Variants in PRPF8 observed in about 807,000 individuals in gnomAD.
PRPF8 encodes pre-mRNA processing factor 8.
A neutral mutation model predicts 285.9 loss-of-function variants in PRPF8; 64 were observed. The observed-to-expected ratio is 0.22, with a 90% CI of 0.18 to 0.28. The LOEUF (loss-of-function observed/expected upper bound fraction) is 0.28. PRPF8 is among the 10% of genes least tolerant of loss of function. The pLI is 1.00. For synonymous variants in PRPF8, 1,325 were observed against 1,118.2 expected (o/e 1.18, Z -3.69); for missense variants, 1,426 against 3,026.7 (o/e 0.47, Z 12.41).
At position 1,675,528 on chromosome 17, in the gene PRPF8, G is replaced by A. The variant is rs1024387647; in HGVS notation, c.2872+92C>T. ...TTCCCTTTACTACCACGCATCAAGA[G>A]AGTAAACCAATCATGCTACCCAGAT... On this transcript the variant is annotated intron_variant, in intron 19 of 42. Coordinates refer to ENST00000304992, the MANE Select transcript of PRPF8 (RefSeq NM_006445.4). The surrounding 1 kb of genome is among the most constrained non-coding windows in gnomAD (Gnocchi z 6.0). The A allele has an allele frequency of 3.2e-6, 5 of 1,546,280 alleles. No individual in the cohort carries two copies. The highest frequency in any genetic ancestry group is 1.7e-5 in the Admixed American group (1 of 59,898).
chr17:1,671,719 C>T (rs1044337469), intron 24 of PRPF8, among the ~76,000 whole-genome samples: 4 of 151,912 alleles, frequency 2.6e-5, no homozygotes, highest in Admixed American at 6.6e-5. Flanking sequence ...GGCGTGGTGG[C>T]AGGCGCCTGT....
At position 1,673,857 on chromosome 17, in the gene PRPF8, C is replaced by T. The variant is rs780480249; in HGVS notation, c.3335G>A (p.Arg1112His). The T allele has an allele frequency of 3.7e-6, 6 of 1,613,846 alleles. No individual in the cohort carries two copies. The highest frequency in any genetic ancestry group is 5.1e-6 in the Non-Finnish European group (6 of 1,180,020). Residue 1112 changes from arginine to histidine, a missense_variant, in exon 22 of 43, where the codon CGT becomes CAT. Physicochemically the swap from Arg to His is conservative, Grantham distance 29. Transcript: ENST00000304992. The surrounding 1 kb of genome is among the most constrained non-coding windows in gnomAD (Gnocchi z 5.5). ...GGGGTCAGGGTGCTCTGTCAGGTAA[C>T]GTTGAATCAGGTCCCGAGCCTCATC... ...TADEARDLIQ[R>H]YLTEHPDPNN... is the part of the protein sequence containing the mutation.
intron 24 of PRPF8, among the ~76,000 whole-genome samples, chr17:1,666,778 C>G (rs1259680445): frequency 1.3e-5 from 2 of 151,904 alleles, no homozygotes; most frequent in Admixed American, 1.3e-4. Flanking sequence ...TTCAGACAAG[C>G]AAGGAGAAAA....
Position 1,680,557 on chromosome 17 carries a change from T to C in PRPF8, c.1098+169A>G, listed in dbSNP as rs1912857970. The C allele has an allele frequency of 4.2e-6, 3 of 709,812 alleles. No homozygotes were observed. In the African/African-American group the frequency reaches 5.3e-5, roughly 12 times the overall value. 44.0% of individuals were successfully genotyped at this position (709,812 alleles called of 1,614,324 possible). ...ATCACAGAAAACAGGATTATACCAATGACATGTTTTAAAGCAAATGCTGAA... is the reference window on the plus strand; with the variant it reads ...ATCACAGAAAACAGGATTATACCAACGACATGTTTTAAAGCAAATGCTGAA... On this transcript the variant is annotated intron_variant, in intron 8 of 42. Transcript: ENST00000304992.
At chr17:1,682,362 A>G (rs953118923) in intron 3 of PRPF8, 69 bp from the exon 4 acceptor site, 19 of 1,554,550 alleles carry the variant, frequency 1.2e-5, no homozygotes, top group Non-Finnish European at 1.7e-5. Context: ...CCATGCAGAG[A>G]AGCCACATGT....
Position 1,679,041 on chromosome 17 carries a change from C to T in PRPF8, c.1575G>A (p.Lys525=), listed in dbSNP as rs1201044198. Residue 525 remains lysine (K), a synonymous_variant, in exon 11 of 43, where the codon AAG becomes AAA. Coordinates refer to ENST00000304992, the MANE Select transcript of PRPF8 (RefSeq NM_006445.4). The surrounding 1 kb of genome is among the most constrained non-coding windows in gnomAD (Gnocchi z 4.7). Reference sequence around the variant, plus strand: ...CCTTGGTGGTGAGCGTTTTCACAGGCTTGAGGTTGAAGTTGTAGTCCAGGT... The same window carrying T: ...CCTTGGTGGTGAGCGTTTTCACAGGTTTGAGGTTGAAGTTGTAGTCCAGGT... ...YLHLDYNFNL[K]PVKTLTTKER... is the part of the protein sequence containing the mutation. 6.2e-7 allele frequency: 1 copy of T among 1,614,174 alleles called. No homozygotes were observed.
Position 1,659,170 on chromosome 17 carries a change from C to A in PRPF8, c.5138+187G>T. 1.4e-6 allele frequency: 1 copy of A among 708,410 alleles called. No homozygotes were observed. Among genetic ancestry groups the A allele is most frequent in the East Asian group, 2.7e-5 (1 of 37,006 alleles). The allele number at this position is 708,410 out of a possible 1,614,324, so 43.9% of individuals were successfully genotyped here. On this transcript the variant is annotated intron_variant, in intron 32 of 42. Transcript: ENST00000304992. This position sits in a 1 kb window ranked among gnomAD's most constrained non-coding sequence, Gnocchi z 5.1. ...CCTTCTGAGTAGCTGGGACTACAGG[C>A]GTGGACCACCACGCCCAGCTAATTT...
intron 24 of PRPF8, among the ~76,000 whole-genome samples, chr17:1,666,564 A>G (rs949516151): frequency 6.6e-6 from 1 of 152,060 alleles, no homozygotes; most frequent in African/African-American, 2.4e-5. Context: ...AAAAAAATCA[A>G]TGCAACAAAA....
At position 1,675,874 on chromosome 17, in the gene PRPF8, G is replaced by C; in HGVS notation, c.2679+54C>G. Reference sequence around the variant, plus strand: ...AACTGCTACCTTTGGTAGAACCAAAGGCAACTGCTACCTTTGGTAGAACCA... The same window carrying C: ...AACTGCTACCTTTGGTAGAACCAAACGCAACTGCTACCTTTGGTAGAACCA... On this transcript the variant is annotated intron_variant, in intron 18 of 42. Transcript: ENST00000304992. This position sits in a 1 kb window ranked among gnomAD's most constrained non-coding sequence, Gnocchi z 6.0. The C allele has an allele frequency of 6.2e-7, 1 of 1,606,010 alleles. No homozygotes were observed. The highest frequency in any genetic ancestry group is 8.5e-7 in the Non-Finnish European group (1 of 1,178,650).
chr17:1,681,347 C>T, intron 6 of PRPF8, 131 bp downstream of exon 6: 1 of 1,133,196 alleles, frequency 8.8e-7, no homozygotes, highest in South Asian at 1.3e-5. Flanking sequence ...TCCCAAAGTG[C>T]TGAGATTACA....
chr17:1,651,439 C>T lies in PRPF8; in HGVS notation c.6625G>A (p.Glu2209Lys), dbSNP rs1285026675. The change falls in exon 41 of 43, where the codon GAG becomes AAG. Residue 2209 changes from glutamate to lysine, a missense_variant. Physicochemically the swap from Glu to Lys is moderately conservative, Grantham distance 56. Transcript: ENST00000304992. This position sits in a 1 kb window ranked among gnomAD's most constrained non-coding sequence, Gnocchi z 5.1. The part of the protein sequence containing the change: ...IMADNPSWDG[E>K]KTIIITCSFT... Reference sequence around the variant, plus strand: ...CTGCATGTGATGATAATGGTCTTCTCGCCATCCCAAGATGGGTTGTCAGCC... The same window carrying T: ...CTGCATGTGATGATAATGGTCTTCTTGCCATCCCAAGATGGGTTGTCAGCC... 6.2e-7 allele frequency: 1 copy of T among 1,614,184 alleles called. No homozygotes were observed. Among genetic ancestry groups the T allele is most frequent in the Admixed American group, 1.7e-5 (1 of 60,024 alleles).
At position 1,661,886 on chromosome 17, in the gene PRPF8, T is replaced by C. The variant is rs1459178937; in HGVS notation, c.4022+20A>G. 1 of 1,614,092 alleles carries C rather than the reference T, an allele frequency of 6.2e-7. No homozygotes were observed. Among genetic ancestry groups the C allele is most frequent in the South Asian group, 1.1e-5 (1 of 91,076 alleles). The stretch of plus-strand genomic sequence containing the variant: ...GGGCCTGAGCAATAGGGTTTAGAAA[T>C]ACGTTGAACCAGGCTGTACCTGAGG... On this transcript the variant is annotated intron_variant, in intron 25 of 42. Coordinates refer to ENST00000304992, the MANE Select transcript of PRPF8 (RefSeq NM_006445.4). This position sits in a 1 kb window ranked among gnomAD's most constrained non-coding sequence, Gnocchi z 7.3.
Position 1,680,950 on chromosome 17 carries a change from G to A in PRPF8, c.971C>T (p.Pro324Leu), listed in dbSNP as rs1262471258. The A allele has an allele frequency of 6.2e-7, 1 of 1,614,130 alleles. No homozygotes were observed. Among genetic ancestry groups the A allele is most frequent in the Admixed American group, 1.7e-5 (1 of 60,008 alleles). ...IAFPYLYNNL[P>L]HHVHLTWYHT... Reference sequence around the variant, plus strand: ...TTACCAGGTGAGGTGGACATGGTGTGGAAGATTGTTGTACAAGTAAGGAAA... The same window carrying A: ...TTACCAGGTGAGGTGGACATGGTGTAGAAGATTGTTGTACAAGTAAGGAAA... The change falls in exon 7 of 43, where the codon CCA becomes CTA. Residue 324 changes from proline (P) to leucine (L), a missense_variant. By Grantham distance (98) the Pro-to-Leu change is moderately conservative. This residue lies in a region of PRPF8 where 157 missense variants were observed against 159.6 expected (regional missense o/e 0.98). Transcript: ENST00000304992.
chr17:1,682,166 G>C lies in PRPF8; in HGVS notation c.397C>G (p.Pro133Ala). The C allele has an allele frequency of 6.2e-7, 1 of 1,614,016 alleles. No individual in the cohort carries two copies. The highest frequency in any genetic ancestry group is 8.5e-7 in the Non-Finnish European group (1 of 1,180,002). The change falls in exon 4 of 43, where the codon CCC becomes GCC. Residue 133 changes from proline (P) to alanine (A), a missense_variant. By Grantham distance (27) the Pro-to-Ala change is conservative. Around this residue, in one of 34 missense-constraint regions of PRPF8, gnomAD observed 96 missense variants for 188.3 expected, o/e 0.51. Coordinates refer to ENST00000304992, the MANE Select transcript of PRPF8 (RefSeq NM_006445.4). ...TGAISFVNEI[P>A]WVIEPVYISQ... ...ATGTAGACAGGTTCAATGACCCAGG[G>C]AATCTCATTGACGAAGGAAATGGCT...
chr17:1,672,827 C>G (rs1426427848), intron 24 of PRPF8: 1 of 582,850 alleles, frequency 1.7e-6, no homozygotes. Context: ...ATAAATCCAA[C>G]TTTTACTCTT....
intron 24 of PRPF8, among the ~76,000 whole-genome samples, 158 bp from the exon 25 acceptor site, chr17:1,662,311 G>C (rs1403580214): frequency 6.6e-6 from 1 of 152,166 alleles, no homozygotes; most frequent in East Asian, 1.9e-4. Flanking sequence ...CAATGAGGCT[G>C]GGCGCGATGG....
In PRPF8 at chr17:1,658,655, C is replaced by T. The variant is rs774987365; in HGVS notation, c.5247G>A (p.Lys1749=). 6.2e-7 allele frequency: 1 copy of T among 1,614,238 alleles called. No homozygotes were observed. The highest frequency in any genetic ancestry group is 8.5e-7 in the Non-Finnish European group (1 of 1,180,054). Residue 1749 remains lysine, a synonymous_variant, in exon 33 of 43, where the codon AAG becomes AAA. Coordinates refer to ENST00000304992, the MANE Select transcript of PRPF8 (RefSeq NM_006445.4). This position sits in a 1 kb window ranked among gnomAD's most constrained non-coding sequence, Gnocchi z 4.1. ...ALYVLRERIR[K]GLQLYSSEPT... ...GTTCAGATGAATAGAGCTGTAGCCC[C>T]TTGCGGATCCGTTCACGTAACACAT...
chr17:1,683,475 A>G, intron 3 of PRPF8, 58 bp downstream of exon 3: 1 of 1,576,042 alleles, frequency 6.3e-7, no homozygotes, highest in Non-Finnish European at 8.7e-7. Context: ...AGACTGTGGG[A>G]CAGGGAGAAG....
chr17:1,674,741 T>C (rs1912521182), intron 20 of PRPF8, 61 bp from the exon 21 acceptor site: 1 of 1,524,974 alleles, frequency 6.6e-7, no homozygotes, highest in African/African-American at 1.4e-5. Flanking sequence ...TCTCCAGAGT[T>C]AACCTCTTTT....
Sources: gnomAD v4.1 joint callset for allele counts (sites outside exome capture counted in the v4.1 genomes callset) on GRCh38, gnomAD v4.1.1 for gene constraint, gnomAD v4.1.1 regional missense constraint, Gnocchi (gnomAD v3.1) non-coding constraint, MANE v1.5 for transcripts, NCBI Gene and HGNC (gene_info 2026-07-23, HGNC 2026-07-21) for gene names.